Variants in SEL1L observed in about 807,000 individuals in gnomAD.
The protein encoded by SEL1L is protein sel-1 homolog 1.
In SEL1L, 52 loss-of-function variants were observed where a neutral mutation model predicts 109.8. The observed-to-expected ratio is 0.47, with a 90% CI of 0.38 to 0.60. SEL1L has a LOEUF of 0.60. SEL1L is among the 20% of genes least tolerant of loss of function. The probability of loss-of-function intolerance (pLI) is 0.00; values close to 1 mark genes in which losing one functional copy is unlikely to be tolerated. For synonymous variants in SEL1L, 373 were observed against 339.6 expected (o/e 1.10, Z -1.08); for missense variants, 749 against 962.2 (o/e 0.78, Z 2.93).
At chr14:81,510,508 CTCTCTCTA>C (rs761960225) in intron 3 of SEL1L, among the ~76,000 whole-genome samples, 333 of 116,452 alleles carry the variant, frequency 2.9e-3, no homozygotes, top group Middle Eastern at 5.4e-3. Flanking sequence ...CTCTCTCTCT[CTCTCTCTA>C]TATATATATA....
chr14:81,524,200 C>A (rs1297411362), intron 3 of SEL1L, among the ~76,000 whole-genome samples: 4 of 152,138 alleles, frequency 2.6e-5, no homozygotes, highest in African/African-American at 4.8e-5. Context: ...ATCCAGGCAA[C>A]AAACATAAAT....
At chr14:81,518,458 G>A (rs1021799504) in intron 3 of SEL1L, among the ~76,000 whole-genome samples, 4 of 151,290 alleles carry the variant, frequency 2.6e-5, no homozygotes, top group South Asian at 2.1e-4. Context: ...TCAGGAGTTC[G>A]AGACCAGCCT....
At chr14:81,515,423 T>C (rs1432428743) in intron 3 of SEL1L, among the ~76,000 whole-genome samples, 3 of 152,178 alleles carry the variant, frequency 2.0e-5, no homozygotes, top group African/African-American at 7.2e-5. Context: ...CCTGAGAGTT[T>C]GGAGACACCT....
Position 81,475,705 on chromosome 14 carries a change from C to T in SEL1L, c.*1267G>A, listed in dbSNP as rs1566967920. On this transcript the variant is annotated 3_prime_UTR_variant, in exon 21 of 21. Transcript: ENST00000336735. ...ACGTGTGTAATTATGTGAAACTCTTCAGTTTTTTTCCCATACTATTTAACC... is the reference window on the plus strand; with the variant it reads ...ACGTGTGTAATTATGTGAAACTCTTTAGTTTTTTTCCCATACTATTTAACC... 1 of 152,208 alleles carries T rather than the reference C, an allele frequency of 6.6e-6. No homozygotes were observed. The highest frequency in any genetic ancestry group is 1.5e-5 in the Non-Finnish European group (1 of 68,034). 9.4% of individuals were successfully genotyped at this position (152,208 alleles called of 1,614,324 possible). A position where few individuals can be genotyped will look rare whatever the true frequency, so the allele number is the denominator to read the frequency against.
intron 3 of SEL1L, among the ~76,000 whole-genome samples, chr14:81,521,611 A>C (rs1162078789): frequency 6.6e-6 from 1 of 152,210 alleles, no homozygotes; most frequent in Non-Finnish European, 1.5e-5. Context: ...AGCACAATCC[A>C]TTACTCATGT....
chr14:81,523,921 G>A (rs1415339532), intron 3 of SEL1L, among the ~76,000 whole-genome samples: 2 of 152,162 alleles, frequency 1.3e-5, no homozygotes, highest in African/African-American at 2.4e-5. Flanking sequence ...TCCTTACAAT[G>A]CTCAAATACA....
chr14:81,522,099 T>C (rs893940114), intron 3 of SEL1L, among the ~76,000 whole-genome samples: 1 of 151,942 alleles, frequency 6.6e-6, no homozygotes, highest in Non-Finnish European at 1.5e-5. Flanking sequence ...AGCTCTACAA[T>C]GTGTTTGTAT....
chr14:81,526,869 T>C lies in SEL1L; in HGVS notation c.204A>G (p.Leu68=), dbSNP rs1885134320. The change falls in exon 3 of 21, where the codon TTA becomes TTG. Residue 68 remains leucine (L), a synonymous_variant. Transcript: ENST00000336735. ...QIFLDSEESE[L]ESSIQEEEDS... is the part of the protein sequence containing the mutation. ...CTTCCTCTTCTTGAATAGAGGATTCTAATTCAGATTCTTCTGAATCAAGAA... is the reference window on the plus strand; with the variant it reads ...CTTCCTCTTCTTGAATAGAGGATTCCAATTCAGATTCTTCTGAATCAAGAA... 1 of 1,600,600 alleles carries C rather than the reference T, an allele frequency of 6.2e-7. No individual in the cohort carries two copies. The highest frequency in any genetic ancestry group is 1.1e-5 in the South Asian group (1 of 88,358).
chr14:81,499,383 G>T (rs1883907386), intron 8 of SEL1L, 76 bp downstream of exon 8: 1 of 1,561,408 alleles, frequency 6.4e-7, no homozygotes, highest in Non-Finnish European at 8.6e-7. Context: ...CATGAAAGCT[G>T]AAAAAGTTGT....
chr14:81,498,312 G>T, intron 9 of SEL1L, 101 bp downstream of exon 9: 1 of 976,786 alleles, frequency 1.0e-6, no homozygotes, highest in Non-Finnish European at 1.5e-6. Context: ...ACATAAAAGA[G>T]CCATTTATAA....
intron 3 of SEL1L, 70 bp from the exon 4 acceptor site, chr14:81,506,311 A>C: frequency 7.4e-7 from 1 of 1,347,740 alleles, no homozygotes; most frequent in Non-Finnish European, 9.9e-7. Context: ...CAATGCCATC[A>C]ATTTTGGCTG....
At chr14:81,531,556 TTTTTTC>T in intron 1 of SEL1L, among the ~76,000 whole-genome samples, 1 of 152,148 alleles carries the variant, frequency 6.6e-6, no homozygotes, top group African/African-American at 2.4e-5. Context: ...AGGGTTGTTT[TTTTTTC>T]TTTTTTTTTG....
At chr14:81,497,045 G>A (rs1399709060) in intron 10 of SEL1L, among the ~76,000 whole-genome samples, 1 of 152,108 alleles carries the variant, frequency 6.6e-6, no homozygotes, top group Non-Finnish European at 1.5e-5. Context: ...AAGGAGAGAA[G>A]AGTAAACACA....
rs763563190 is a variant in SEL1L at position 81,498,398 on chromosome 14, G to A, written c.973+15C>T. On this transcript the variant is annotated intron_variant, in intron 9 of 20. Transcript: ENST00000336735. ...ATTTTTTTTTCCTAAAAGGTAAAAG[G>A]GGAAACATAGATACCATGATTGGCA... The A allele has an allele frequency of 1.9e-6, 3 of 1,596,444 alleles. No homozygotes were observed. Among genetic ancestry groups the A allele is most frequent in the Admixed American group, 3.4e-5 (2 of 58,038 alleles).
intron 12 of SEL1L, among the ~76,000 whole-genome samples, chr14:81,492,238 G>T (rs145687050): frequency 0.014 from 2,132 of 152,210 alleles, 30 homozygotes; most frequent in Admixed American, 0.022. Context: ...TGATCCACCT[G>T]CCTCAGCCTC....
At position 81,495,067 on chromosome 14, in the gene SEL1L, A is replaced by G; in HGVS notation, c.1185+14T>C. 6.2e-7 allele frequency: 1 copy of G among 1,612,946 alleles called. No homozygotes were observed. Among genetic ancestry groups the G allele is most frequent in the Non-Finnish European group, 8.5e-7 (1 of 1,179,218 alleles). ...TAAAACTGAGATGCAAAGCCCTAGG[A>G]ACAGGGTAGTTACCTGATGATTCTG... On this transcript the variant is annotated intron_variant, in intron 11 of 20. Transcript: ENST00000336735.
Position 81,533,700 on chromosome 14 carries a change from C to T in SEL1L, c.45G>A (p.Leu15=), listed in dbSNP as rs1885427283. ...IGLTLLLCAV[L]LSLASASSDE... ...CCGAGGACGCCGAGGCCAAGCTCAG[C>T]AGCACCGCACACAGCAGCAGCGTCA... is the stretch of plus-strand genomic sequence containing the variant. The change falls in exon 1 of 21, where the codon CTG becomes CTA. Residue 15 remains leucine (L), a synonymous_variant. Coordinates refer to ENST00000336735, the MANE Select transcript of SEL1L (RefSeq NM_005065.6). 1.2e-6 allele frequency: 2 copies of T among 1,613,506 alleles called. No individual in the cohort carries two copies. The highest frequency in any genetic ancestry group is 4.5e-5 in the East Asian group (2 of 44,858).
In SEL1L at chr14:81,526,844, C is replaced by T. The variant is rs1295611955; in HGVS notation, c.229G>A (p.Asp77Asn). 2 of 1,602,534 alleles carry T rather than the reference C, an allele frequency of 1.2e-6. No individual in the cohort carries two copies. Among genetic ancestry groups the T allele is most frequent in the Admixed American group, 3.5e-5 (2 of 57,408 alleles). The part of the protein sequence containing the change: ...ELESSIQEEE[D>N]SLKSQEGESV... ...TCCCCCTCTTGGCTCTTGAGGCTGT[C>T]TTCCTCTTCTTGAATAGAGGATTCT... Residue 77 changes from aspartate (D) to asparagine (N), a missense_variant, in exon 3 of 21, where the codon GAC (aspartate) becomes AAC (asparagine). Coordinates refer to ENST00000336735, the MANE Select transcript of SEL1L (RefSeq NM_005065.6).
At chr14:81,481,211 G>C (rs1163452040) in intron 19 of SEL1L, among the ~76,000 whole-genome samples, 1 of 152,034 alleles carries the variant, frequency 6.6e-6, no homozygotes, top group Admixed American at 6.6e-5. Context: ...TGGGATGGTG[G>C]GAATTTTCAC....
Sources: allele counts gnomAD v4.1 joint callset (sites outside exome capture counted in the v4.1 genomes callset), GRCh38; gene constraint gnomAD v4.1.1; transcripts MANE v1.5; gene names NCBI Gene and HGNC (gene_info 2026-07-23, HGNC 2026-07-21).